The following SDK1 variants were observed in gnomAD, a reference collection of about 807,000 sequenced individuals.
The protein encoded by SDK1 is protein sidekick-1.
Under a neutral mutation model 245.5 loss-of-function variants are expected in SDK1, and 157 were observed. That is an observed-to-expected ratio of 0.64 (90% CI 0.56 to 0.73). The LOEUF (loss-of-function observed/expected upper bound fraction) is 0.73. SDK1 is among the 30% of genes least tolerant of loss of function. The pLI is 0.00. For synonymous variants in SDK1, 1,647 were observed against 1,278.5 expected (o/e 1.29, Z -6.15); for missense variants, 3,583 against 3,002.3 (o/e 1.19, Z -4.52).
chr7:4,130,981 C>T (rs772956162), intron 27 of SDK1, among the ~76,000 whole-genome samples: 4 of 152,118 alleles, frequency 2.6e-5, no homozygotes, highest in African/African-American at 4.8e-5. Context: ...GAGAGTGCCA[C>T]CCCTGATCCT....
At chr7:4,140,763 C>G (rs1181924976) in intron 28 of SDK1, among the ~76,000 whole-genome samples, 1 of 152,082 alleles carries the variant, frequency 6.6e-6, no homozygotes, top group Non-Finnish European at 1.5e-5. Context: ...TATGAAGTGC[C>G]TGGAATATAG....
At chr7:3,595,375 G>GC (rs573930895) in intron 1 of SDK1, among the ~76,000 whole-genome samples, 1 of 151,806 alleles carries the variant, frequency 6.6e-6, no homozygotes, top group South Asian at 2.1e-4. Flanking sequence ...TATATTAATA[G>GC]CTACTGCATG....
chr7:3,903,706 T>G (rs559717053), intron 5 of SDK1, among the ~76,000 whole-genome samples: 2 of 152,200 alleles, frequency 1.3e-5, no homozygotes, highest in Non-Finnish European at 2.9e-5. Flanking sequence ...TACTGCTATG[T>G]GGTATGTGAT....
At chr7:3,832,615 C>T (rs1009202341) in intron 5 of SDK1, among the ~76,000 whole-genome samples, 1 of 152,178 alleles carries the variant, frequency 6.6e-6, no homozygotes, top group African/African-American at 2.4e-5. Context: ...ATATTCCCTG[C>T]TTTTCCAAGA....
At chr7:4,101,162 T>C (rs188411588) in intron 22 of SDK1, among the ~76,000 whole-genome samples, 3 of 151,896 alleles carry the variant, frequency 2.0e-5, no homozygotes, top group Non-Finnish European at 4.4e-5. Flanking sequence ...TTTTTTTTTT[T>C]TTTTGAGACG....
intron 4 of SDK1, among the ~76,000 whole-genome samples, chr7:3,758,894 T>C (rs1659081851): frequency 6.6e-6 from 1 of 152,220 alleles, no homozygotes; most frequent in African/African-American, 2.4e-5. Flanking sequence ...TATCCATCTG[T>C]ATCTATTTAA....
intron 23 of SDK1, 80 bp from the exon 24 acceptor site, chr7:4,113,209 C>G: frequency 1.4e-6 from 2 of 1,459,754 alleles, no homozygotes; most frequent in African/African-American, 2.8e-5. Flanking sequence ...CCTTGAGAAA[C>G]AGTCAGCGCC....
chr7:4,082,302 A>G (rs1562782788), intron 22 of SDK1, among the ~76,000 whole-genome samples: 1 of 152,134 alleles, frequency 6.6e-6, no homozygotes, highest in Non-Finnish European at 1.5e-5. Flanking sequence ...TTAGGAGACC[A>G]AGGCAGGCGG....
intron 4 of SDK1, among the ~76,000 whole-genome samples, chr7:3,683,645 G>A (rs1416428494): frequency 6.6e-6 from 1 of 152,170 alleles, no homozygotes; most frequent in Admixed American, 6.5e-5. Flanking sequence ...CGCCTAACAT[G>A]GCAAGCGTGG....
intron 1 of SDK1, among the ~76,000 whole-genome samples, chr7:3,590,502 C>T (rs1031476267): frequency 2.6e-5 from 4 of 151,994 alleles, no homozygotes; most frequent in African/African-American, 9.7e-5. Flanking sequence ...ATTTAGCTTC[C>T]AAAATGTGAA....
intron 27 of SDK1, among the ~76,000 whole-genome samples, chr7:4,131,841 TAC>T (rs200401955): frequency 1.0e-5 from 1 of 100,478 alleles, no homozygotes; most frequent in African/African-American, 3.2e-5. Context: ...TGATTGAGGA[TAC>T]ACATGTTATT....
Position 3,962,539 on chromosome 7 carries a change from C to T in SDK1, c.1235-118C>T, listed in dbSNP as rs143522056. 3,594 of 915,572 alleles carry T rather than the reference C, an allele frequency of 3.9e-3. 16 individuals are homozygous for T. The highest frequency in any genetic ancestry group is 3.5e-3 in the Non-Finnish European group (2,161 of 615,346). The allele number at this position is 915,572 out of a possible 1,614,324, so 56.7% of individuals were successfully genotyped here. ...GCTCCTTATAGGGTGGTTGAAAGCA[C>T]GAATACACAAGAAAATGCCTATTAA... On this transcript the variant is annotated intron_variant, in intron 8 of 44. Coordinates refer to ENST00000404826, the MANE Select transcript of SDK1 (RefSeq NM_152744.4).
intron 4 of SDK1, among the ~76,000 whole-genome samples, chr7:3,695,674 C>G (rs1268593482): frequency 2.0e-5 from 3 of 152,184 alleles, no homozygotes; most frequent in Non-Finnish European, 1.5e-5. Context: ...TTAAGCATTT[C>G]AACTCAACAC....
chr7:3,891,436 A>T (rs979315517), intron 5 of SDK1, among the ~76,000 whole-genome samples: 1 of 152,170 alleles, frequency 6.6e-6, no homozygotes, highest in African/African-American at 2.4e-5. Context: ...CATAGGAAGG[A>T]TGAATGCCGA....
At chr7:3,426,308 T>A (rs1779674773) in intron 1 of SDK1, among the ~76,000 whole-genome samples, 1 of 152,006 alleles carries the variant, frequency 6.6e-6, no homozygotes, top group Non-Finnish European at 1.5e-5. Context: ...CGTCACTGAG[T>A]GATAAGGGTG....
intron 1 of SDK1, among the ~76,000 whole-genome samples, chr7:3,468,165 T>A (rs1286747648): frequency 6.6e-6 from 1 of 152,234 alleles, no homozygotes; most frequent in Non-Finnish European, 1.5e-5. Context: ...TCCTTTAGTC[T>A]TAACTGCATC....
rs576426706 is a variant in SDK1, at chr7:3,918,619, A to T, written c.848-32304A>T. 1.3e-3 allele frequency among the ~76,000 whole-genome samples: 200 copies of T among 152,322 alleles called. 2 individuals carry two copies. The highest frequency in any genetic ancestry group is 4.6e-3 in the African/African-American group (191 of 41,570). On this transcript the variant is annotated intron_variant, in intron 5 of 44. Transcript: ENST00000404826. The stretch of plus-strand genomic sequence containing the variant: ...AATAATCATAGAAATAAAGGGCACA[A>T]TAAATGGAATGCACTTGAATCATCC...
intron 1 of SDK1, among the ~76,000 whole-genome samples, chr7:3,543,837 C>T (rs1265132249): frequency 6.6e-6 from 1 of 152,162 alleles, no homozygotes; most frequent in Non-Finnish European, 1.5e-5. Context: ...TGAATATTAA[C>T]TTCTTAGTGA....
Position 4,051,627 on chromosome 7 carries a change from T to C in SDK1, c.2719-11T>C. 3 of 1,608,660 alleles carry C rather than the reference T, an allele frequency of 1.9e-6. No individual in the cohort carries two copies. Among genetic ancestry groups the C allele is most frequent in the Non-Finnish European group, 2.5e-6 (3 of 1,177,810 alleles). On this transcript the variant is annotated splice_polypyrimidine_tract_variant and intron_variant, in intron 18 of 44. Transcript: ENST00000404826. ...AAAACAGGCTGTCTTTTTCACCCTG[T>C]TCCATCTCAGCTTCTGGCATGGCCG...
Sources: allele counts gnomAD v4.1 joint callset (sites outside exome capture counted in the v4.1 genomes callset), GRCh38; gene constraint gnomAD v4.1.1; transcripts MANE v1.5; gene names NCBI Gene and HGNC (gene_info 2026-07-23, HGNC 2026-07-21).